GDAP1: variants seen among roughly 807,000 people sequenced by gnomAD.
GDAP1 encodes the protein ganglioside induced differentiation associated protein 1.
In GDAP1, 34 loss-of-function variants were observed where a neutral mutation model predicts 40.1. The observed-to-expected ratio is 0.85, with a 90% CI of 0.64 to 1.13. GDAP1 has a LOEUF of 1.13. Among genes scored for constraint, GDAP1 ranks in the 50% most tolerant of loss-of-function variants. The pLI is 0.00. For missense variants in GDAP1, 374 were observed against 433.7 expected (o/e 0.86, Z 1.22); for synonymous variants, 170 against 157.4 (o/e 1.08, Z -0.60).
intron 2 of GDAP1, among the ~76,000 whole-genome samples, chr8:74,439,065 T>G (rs1374933182): frequency 6.6e-6 from 1 of 150,394 alleles, no homozygotes; most frequent in African/African-American, 2.4e-5. Flanking sequence ...TGTATATAAC[T>G]TTTTTGTTTG....
intron 2 of GDAP1, among the ~76,000 whole-genome samples, chr8:74,456,613 A>G (rs928791877): frequency 1.3e-5 from 2 of 151,920 alleles, no homozygotes; most frequent in African/African-American, 2.4e-5. Context: ...TGGAAATGCT[A>G]GTAGATATGG....
chr8:74,355,444 A>G (rs971653930), intron 2 of GDAP1, among the ~76,000 whole-genome samples: 2 of 152,208 alleles, frequency 1.3e-5, no homozygotes, highest in East Asian at 3.8e-4. Context: ...ACTTGCTATT[A>G]CTGTACAGTT....
chr8:74,435,350 G>C lies in GDAP1; in HGVS notation c.166-53328G>C, dbSNP rs552962756. ...CATACCTGCTATTTTCAGAGAGCTA[G>C]AGAAACATCCTATTGGAAAACACAC... is the stretch of plus-strand genomic sequence containing the variant. On this transcript the variant is annotated intron_variant, in intron 2 of 2. Transcript: ENST00000523640. 5.9e-5 allele frequency among the ~76,000 whole-genome samples: 9 copies of C among 152,202 alleles called. No individual in the cohort carries two copies. The South Asian group carries it at 1.9e-3, about 31-fold the overall frequency.
In GDAP1 at chr8:74,373,559, G is replaced by A. The variant is rs542530885; in HGVS notation, c.165+22238G>A. Reference sequence around the variant, plus strand: ...TCACTCATGATTTGGCTCTCTGTTCGTCTGTTATTAGTGTATAAGAATGCT... The same window carrying A: ...TCACTCATGATTTGGCTCTCTGTTCATCTGTTATTAGTGTATAAGAATGCT... On this transcript the variant is annotated intron_variant, in intron 2 of 2. Transcript: ENST00000523640. Among the ~76,000 whole-genome samples the A allele has an allele frequency of 2.6e-3, 403 of 152,234 alleles. 5 individuals carry two copies. Among genetic ancestry groups the A allele is most frequent in the Non-Finnish European group, 4.3e-3 (292 of 68,020 alleles).
At chr8:74,437,314 G>A (rs1290576312) in intron 2 of GDAP1, among the ~76,000 whole-genome samples, 2 of 152,142 alleles carry the variant, frequency 1.3e-5, no homozygotes, top group Non-Finnish European at 2.9e-5. Context: ...TGACTTGCTT[G>A]TTGAAGATCT....
rs940810539 is a variant in GDAP1 at position 74,425,885 on chromosome 8, A to G, written c.166-62793A>G. The stretch of plus-strand genomic sequence containing the variant: ...TTCCTCTTCTTTAATTATCTCAATT[A>G]TATGTCTTTCTGAGAAGTGACTTCA... On this transcript the variant is annotated intron_variant, in intron 2 of 2. Coordinates refer to the GDAP1 transcript ENST00000523640. 5.3e-5 allele frequency among the ~76,000 whole-genome samples: 8 copies of G among 152,170 alleles called. 1 individual carries two copies. Among genetic ancestry groups the G allele is most frequent in the African/African-American group, 1.4e-4 (6 of 41,450 alleles).
chr8:74,375,817 A>C (rs73689109), intron 2 of GDAP1, among the ~76,000 whole-genome samples: 2,286 of 152,330 alleles, frequency 0.015, 64 homozygotes, highest in African/African-American at 0.052. Flanking sequence ...AAAAGGTATA[A>C]AATTTTAAAG....
At chr8:74,404,129 A>G (rs1238939423) in intron 2 of GDAP1, among the ~76,000 whole-genome samples, 1 of 149,958 alleles carries the variant, frequency 6.7e-6, no homozygotes, top group Non-Finnish European at 1.5e-5. Context: ...TACCAGGAAT[A>G]TGTTAAGTGA....
chr8:74,417,521 C>T (rs113141848), intron 2 of GDAP1, among the ~76,000 whole-genome samples: 1 of 150,062 alleles, frequency 6.7e-6, no homozygotes, highest in Non-Finnish European at 1.5e-5. Context: ...CCCGCCTAGG[C>T]CTTCTTCCAA....
At chr8:74,446,414 G>C (rs1029415247) in intron 2 of GDAP1, among the ~76,000 whole-genome samples, 18 of 152,130 alleles carry the variant, frequency 1.2e-4, no homozygotes, top group Non-Finnish European at 2.4e-4. Flanking sequence ...TGTGATGGGT[G>C]CTGGAGACCA....
At chr8:74,428,461 A>G (rs1321152969) in intron 2 of GDAP1, among the ~76,000 whole-genome samples, 2 of 149,530 alleles carry the variant, frequency 1.3e-5, no homozygotes, top group African/African-American at 4.9e-5. Context: ...GTTTTTCTTG[A>G]TTGTTTTGTT....
At chr8:74,370,418 G>T (rs190907910), downstream of GDAP1, among the ~76,000 whole-genome samples, 277 of 152,270 alleles carry the variant, frequency 1.8e-3, 1 homozygote, top group African/African-American at 6.3e-3. Context: ...GTATCAAGTG[G>T]GAAGTGTGAA....
chr8:74,445,992 A>G (rs146432666), intron 2 of GDAP1, among the ~76,000 whole-genome samples: 213 of 152,322 alleles, frequency 1.4e-3, no homozygotes, highest in African/African-American at 4.9e-3. Flanking sequence ...ACCCTTTACA[A>G]GAAATATGCT....
chr8:74,353,256 G>C (rs1200277649), intron 2 of GDAP1, among the ~76,000 whole-genome samples: 1 of 152,148 alleles, frequency 6.6e-6, no homozygotes, highest in Non-Finnish European at 1.5e-5. Flanking sequence ...GGAAAGTGCA[G>C]ACTTTAATTC....
chr8:74,481,870 A>G (rs1483099286), intron 2 of GDAP1, among the ~76,000 whole-genome samples: 1 of 152,196 alleles, frequency 6.6e-6, no homozygotes, highest in Non-Finnish European at 1.5e-5. Context: ...TGATGATGGA[A>G]ATGGATTACA....
intron 2 of GDAP1, among the ~76,000 whole-genome samples, chr8:74,377,672 TAAAG>T (rs771977987): frequency 2.0e-3 from 308 of 152,352 alleles, no homozygotes; most frequent in African/African-American, 6.9e-3. Context: ...ATAATTTACT[TAAAG>T]AAGATAAATT....
rs375304541 is a variant in GDAP1 at position 74,407,382 on chromosome 8, C to T, written c.165+56061C>T. The stretch of plus-strand genomic sequence containing the variant: ...AGTCCGTTTACTGAGAGAGACAGGC[C>T]CACCCTCAATCTGCGTGGGTACCAT... On this transcript the variant is annotated intron_variant, in intron 2 of 2. Coordinates refer to the GDAP1 transcript ENST00000523640. Among the ~76,000 whole-genome samples the T allele has an allele frequency of 2.2e-4, 33 of 149,922 alleles. 1 individual carries two copies. The South Asian group carries it at 3.3e-3, about 15-fold the overall frequency.
intron 2 of GDAP1, among the ~76,000 whole-genome samples, chr8:74,480,320 A>T (rs1343470551): frequency 6.6e-6 from 1 of 152,118 alleles, no homozygotes; most frequent in African/African-American, 2.4e-5. Context: ...ACTGCACTGC[A>T]AAGTACTGGG....
intron 2 of GDAP1, among the ~76,000 whole-genome samples, chr8:74,416,651 C>T (rs1379884207): frequency 2.7e-5 from 4 of 150,178 alleles, no homozygotes; most frequent in South Asian, 4.1e-4. Flanking sequence ...GGTTCTGGTA[C>T]GCATTGCTGG....
Sources: allele counts gnomAD v4.1 joint callset (sites outside exome capture counted in the v4.1 genomes callset), GRCh38; gene constraint gnomAD v4.1.1; transcripts MANE v1.5; gene names NCBI Gene and HGNC (gene_info 2026-07-23, HGNC 2026-07-21).